SNTG1: variants seen among roughly 807,000 people sequenced by gnomAD.
SNTG1 encodes gamma-1-syntrophin.
In SNTG1, 39 loss-of-function variants were observed where a neutral mutation model predicts 74.7. The observed-to-expected ratio is 0.52, with a 90% CI of 0.40 to 0.68. The LOEUF (loss-of-function observed/expected upper bound fraction) is 0.68. Among genes scored for constraint, SNTG1 ranks in the 30% least tolerant of loss-of-function variants. The probability of loss-of-function intolerance (pLI) is 0.00; values close to 1 mark genes in which losing one functional copy is unlikely to be tolerated. For synonymous variants in SNTG1, 254 were observed against 217.1 expected, an observed-to-expected ratio of 1.17 and a Z score of -1.49; for missense variants, 685 against 609.5, an observed-to-expected ratio of 1.12 and a Z score of -1.30.
chr8:50,682,613 TC>T (rs2095335685), intron 15 of SNTG1, among the ~76,000 whole-genome samples: 2 of 152,186 alleles, frequency 1.3e-5, no homozygotes, highest in South Asian at 4.1e-4. Flanking sequence ...ACACTGGTTA[TC>T]CTCAGCCCTC....
intron 2 of SNTG1, among the ~76,000 whole-genome samples, chr8:50,254,374 A>G (rs911162149): frequency 6.6e-6 from 1 of 152,168 alleles, no homozygotes; most frequent in Non-Finnish European, 1.5e-5. Context: ...CCTTTTTTGA[A>G]AACTCAAAGA....
intron 5 of SNTG1, among the ~76,000 whole-genome samples, chr8:50,448,921 G>C (rs565234746): frequency 6.6e-6 from 1 of 152,022 alleles, no homozygotes; most frequent in Admixed American, 6.6e-5. Flanking sequence ...CCAGCTACTC[G>C]GGAGGCTGAG....
chr8:50,353,379 A>G (rs2091726425), intron 2 of SNTG1, among the ~76,000 whole-genome samples: 1 of 152,162 alleles, frequency 6.6e-6, no homozygotes, highest in Non-Finnish European at 1.5e-5. Context: ...CGTAGTGCAC[A>G]TGTACCCTAG....
chr8:49,961,702 T>G (rs1193602043), intron 1 of SNTG1, among the ~76,000 whole-genome samples: 1 of 152,152 alleles, frequency 6.6e-6, no homozygotes, highest in Admixed American at 6.5e-5. Flanking sequence ...GTAGCTAACA[T>G]TGATTGAAAG....
chr8:50,526,322 G>A (rs2094219080), intron 9 of SNTG1, among the ~76,000 whole-genome samples: 1 of 152,148 alleles, frequency 6.6e-6, no homozygotes, highest in South Asian at 2.1e-4. Context: ...ACTCTAGAGA[G>A]TGGCTGCAAG....
At chr8:50,430,549 T>G (rs1000659706) in intron 4 of SNTG1, among the ~76,000 whole-genome samples, 1 of 152,160 alleles carries the variant, frequency 6.6e-6, no homozygotes, top group Non-Finnish European at 1.5e-5. Context: ...GGGCCATTTA[T>G]GCAAAGTAGC....
intron 2 of SNTG1, among the ~76,000 whole-genome samples, chr8:50,342,803 C>A (rs2091357099): frequency 6.6e-6 from 1 of 152,104 alleles, no homozygotes; most frequent in African/African-American, 2.4e-5. Context: ...TTTGTTTTGC[C>A]TGTGAGTCTG....
chr8:50,365,081 GA>G (rs1433843449), intron 2 of SNTG1, among the ~76,000 whole-genome samples: 1 of 152,042 alleles, frequency 6.6e-6, no homozygotes, highest in East Asian at 1.9e-4. Flanking sequence ...AAATCTACTT[GA>G]TTTCTCAAAT....
chr8:50,778,160 C>T (rs2095646888), intron 18 of SNTG1, among the ~76,000 whole-genome samples: 2 of 152,212 alleles, frequency 1.3e-5, no homozygotes, highest in Non-Finnish European at 2.9e-5. Flanking sequence ...CCGCAATAAA[C>T]ATACGTGTGC....
At chr8:50,693,041 AC>A (rs1342716494) in intron 15 of SNTG1, among the ~76,000 whole-genome samples, 4 of 151,912 alleles carry the variant, frequency 2.6e-5, no homozygotes, top group Admixed American at 2.6e-4. Context: ...TGGGCATAGG[AC>A]CCTCTGAGCC....
intron 1 of SNTG1, among the ~76,000 whole-genome samples, chr8:49,917,803 C>A (rs1485705215): frequency 6.6e-6 from 1 of 152,048 alleles, no homozygotes; most frequent in African/African-American, 2.4e-5. Context: ...AGGGTGCAGG[C>A]AGTTCATGTA....
chr8:50,366,855 T>C (rs1231260804), intron 2 of SNTG1, among the ~76,000 whole-genome samples: 1 of 146,674 alleles, frequency 6.8e-6, no homozygotes, highest in African/African-American at 2.5e-5. Flanking sequence ...GCCTATATTA[T>C]ATATATTATA....
At chr8:50,360,640 A>C (rs182325478) in intron 2 of SNTG1, among the ~76,000 whole-genome samples, 74 of 152,338 alleles carry the variant, frequency 4.9e-4, no homozygotes, top group Non-Finnish European at 9.4e-4. Context: ...TATTGGTCTT[A>C]GGCTACATGC....
chr8:50,529,249 G>A (rs542989444), intron 9 of SNTG1, among the ~76,000 whole-genome samples: 2 of 152,030 alleles, frequency 1.3e-5, no homozygotes, highest in East Asian at 1.9e-4. Context: ...TATTCTTACA[G>A]TTTAAAGATT....
At chr8:50,144,717 G>C (rs916033157) in intron 1 of SNTG1, among the ~76,000 whole-genome samples, 4 of 152,164 alleles carry the variant, frequency 2.6e-5, no homozygotes, top group African/African-American at 9.7e-5. Flanking sequence ...TGAGTGGGCA[G>C]GAGGAGCGGC....
At chr8:50,451,496 G>A (rs2093457431) in intron 8 of SNTG1, among the ~76,000 whole-genome samples, 1 of 152,090 alleles carries the variant, frequency 6.6e-6, no homozygotes, top group Non-Finnish European at 1.5e-5. Context: ...GGGTGGTGGG[G>A]AGAAAGAGAG....
intron 1 of SNTG1, among the ~76,000 whole-genome samples, chr8:50,084,705 G>A (rs1008371981): frequency 6.6e-6 from 1 of 152,158 alleles, no homozygotes; most frequent in Non-Finnish European, 1.5e-5. Context: ...AAATTTAATT[G>A]CCATTGTAAC....
intron 2 of SNTG1, among the ~76,000 whole-genome samples, chr8:50,266,644 TTATGTGTGTGTGTG>T (rs779584879): frequency 3.8e-5 from 5 of 130,052 alleles, no homozygotes; most frequent in South Asian, 2.5e-4. Context: ...AGACACAGAA[TTATGTGTGTGTGTG>T]TGTGTGTGTG....
chr8:50,488,568 A>C (rs2093820208), intron 8 of SNTG1, among the ~76,000 whole-genome samples: 2 of 152,056 alleles, frequency 1.3e-5, no homozygotes, highest in African/African-American at 4.8e-5. Flanking sequence ...GCACCTCTCA[A>C]CGTCTCCCTT....
Sources: gnomAD v4.1 joint callset for allele counts (sites outside exome capture counted in the v4.1 genomes callset) on GRCh38, gnomAD v4.1.1 for gene constraint, MANE v1.5 for transcripts, NCBI Gene and HGNC (gene_info 2026-07-23, HGNC 2026-07-21) for gene names.